LHFPL2: variants seen among roughly 807,000 people sequenced by gnomAD.
LHFPL2 encodes the protein LHFPL tetraspan subfamily member 2.
In LHFPL2, 7 loss-of-function variants were observed where a neutral mutation model predicts 17.5. The ratio of observed to expected loss-of-function variants is 0.40; its 90% CI spans 0.23 to 0.75. The LOEUF (loss-of-function observed/expected upper bound fraction) is 0.75, where lower values mean the gene tolerates loss of function less well. Ranked by LOEUF, LHFPL2 falls within the 30% of genes least tolerant of loss-of-function variation. The pLI is 0.37. For missense variants in LHFPL2, 241 were observed against 294.8 expected (o/e 0.82, Z 1.34); for synonymous variants, 134 against 116.2 (o/e 1.15, Z -0.99).
chr5:78,512,887 TGG>T, intron 3 of LHFPL2, among the ~76,000 whole-genome samples: 1 of 151,876 alleles, frequency 6.6e-6, no homozygotes, highest in South Asian at 2.1e-4. Context: ...CCAGAGCAGC[TGG>T]GATTACAAGC....
intron 3 of LHFPL2, among the ~76,000 whole-genome samples, chr5:78,519,763 G>A (rs1304038677): frequency 1.3e-5 from 2 of 152,224 alleles, no homozygotes. Context: ...CAGCCTCCCC[G>A]TCCCTTGACC....
At chr5:78,604,111 C>A (rs1744126047) in intron 2 of LHFPL2, among the ~76,000 whole-genome samples, 1 of 152,170 alleles carries the variant, frequency 6.6e-6, no homozygotes, top group South Asian at 2.1e-4. Context: ...TATAATAACA[C>A]TAAATATTTT....
intron 2 of LHFPL2, among the ~76,000 whole-genome samples, chr5:78,600,677 A>C (rs1476545402): frequency 6.6e-6 from 1 of 152,182 alleles, no homozygotes; most frequent in African/African-American, 2.4e-5. Flanking sequence ...GCGGTGAGCC[A>C]AGATCATGCC....
At chr5:78,489,213 C>G in intron 4 of LHFPL2, 60 bp from the exon 5 acceptor site, 1 of 1,588,200 alleles carries the variant, frequency 6.3e-7, no homozygotes, top group Non-Finnish European at 8.6e-7. Context: ...CTGTCCAGAT[C>G]TGTTGTAATT....
chr5:78,503,401 A>G (rs1754832191), intron 4 of LHFPL2, among the ~76,000 whole-genome samples: 1 of 152,234 alleles, frequency 6.6e-6, no homozygotes, highest in Non-Finnish European at 1.5e-5. Flanking sequence ...TTCTTTAAAA[A>G]CAGGTCCCCG....
At chr5:78,618,068 G>A (rs1744682383) in intron 2 of LHFPL2, among the ~76,000 whole-genome samples, 1 of 152,138 alleles carries the variant, frequency 6.6e-6, no homozygotes, top group Non-Finnish European at 1.5e-5. Flanking sequence ...GCCAGGCTTG[G>A]TGGCAGGCGC....
intron 4 of LHFPL2, among the ~76,000 whole-genome samples, chr5:78,491,728 G>C (rs896064713): frequency 6.6e-6 from 1 of 152,006 alleles, no homozygotes; most frequent in Non-Finnish European, 1.5e-5. Context: ...ATCACTCATA[G>C]GTGGCTGTGA....
At chr5:78,642,653 C>T (rs1745713524) in intron 1 of LHFPL2, among the ~76,000 whole-genome samples, 1 of 152,088 alleles carries the variant, frequency 6.6e-6, no homozygotes, top group East Asian at 1.9e-4. Context: ...GTAAAAAGAA[C>T]TCCCTCTATC....
At chr5:78,508,876 A>G (rs202180382) in intron 4 of LHFPL2, among the ~76,000 whole-genome samples, 1 of 128,478 alleles carries the variant, frequency 7.8e-6, no homozygotes, top group Non-Finnish European at 1.7e-5. Context: ...AGTCTACTCT[A>G]CTTCTTTGGG....
intron 1 of LHFPL2, among the ~76,000 whole-genome samples, chr5:78,638,656 C>G (rs1745552444): frequency 1.3e-5 from 2 of 152,136 alleles, no homozygotes; most frequent in Non-Finnish European, 2.9e-5. Flanking sequence ...GCTGACGCAC[C>G]CTTGGTTACT....
chr5:78,627,412 C>T (rs773877256), intron 2 of LHFPL2, among the ~76,000 whole-genome samples: 2 of 152,194 alleles, frequency 1.3e-5, no homozygotes, highest in African/African-American at 2.4e-5. Context: ...AGAAAGAAAC[C>T]AAGCTGCTTT....
At position 78,490,746 on chromosome 5, in the gene LHFPL2, C is replaced by CAAAAAAAAAAAAA. The variant is rs370809060; in HGVS notation, c.431-1606_431-1594dup. Reference sequence around the variant, plus strand: ...CTGGCAAAAGAGTGAGACTCCCTCTCAAAAAAAAAAAAAAAAAAGCAAGAT... The same window carrying CAAAAAAAAAAAAA: ...CTGGCAAAAGAGTGAGACTCCCTCTCAAAAAAAAAAAAAAAAAAAAAAAAAAAAAAAGCAAGAT... On this transcript the variant is annotated intron_variant, in intron 4 of 4. Transcript: ENST00000380345. Among the ~76,000 whole-genome samples the CAAAAAAAAAAAAA allele has an allele frequency of 5.9e-4, 54 of 92,110 alleles. 1 individual carries two copies. Among genetic ancestry groups the CAAAAAAAAAAAAA allele is most frequent in the African/African-American group, 1.8e-3 (38 of 20,584 alleles). The allele number at this position is 92,110 out of a possible 152,430, so 60.4% of individuals were successfully genotyped here.
intron 3 of LHFPL2, among the ~76,000 whole-genome samples, chr5:78,562,059 C>T (rs1255946919): frequency 1.3e-5 from 2 of 152,210 alleles, no homozygotes; most frequent in African/African-American, 2.4e-5. Context: ...AAGAGCCTGG[C>T]AGAGCAACCC....
intron 4 of LHFPL2, among the ~76,000 whole-genome samples, chr5:78,498,514 A>G (rs1270140994): frequency 6.6e-6 from 1 of 152,150 alleles, no homozygotes; most frequent in East Asian, 1.9e-4. Context: ...CTAGGTGGAG[A>G]TATTTTCTCT....
intron 3 of LHFPL2, among the ~76,000 whole-genome samples, chr5:78,538,561 T>A (rs1477692384): frequency 3.3e-5 from 5 of 152,176 alleles, no homozygotes; most frequent in Admixed American, 1.3e-4. Flanking sequence ...CCTCACACCA[T>A]CCTGTCTTAC....
At chr5:78,547,878 T>C (rs1483643654) in intron 3 of LHFPL2, among the ~76,000 whole-genome samples, 2 of 147,510 alleles carry the variant, frequency 1.4e-5, no homozygotes, top group East Asian at 2.0e-4. Flanking sequence ...GCCAGGAGGG[T>C]TGGGGCTGGA....
Position 78,510,400 on chromosome 5 carries a change from T to A in LHFPL2, c.-185-2A>T, listed in dbSNP as rs1755077606. The A allele has an allele frequency of 1.7e-6, 1 of 586,250 alleles. No individual in the cohort carries two copies. Among genetic ancestry groups the A allele is most frequent in the Non-Finnish European group, 2.9e-6 (1 of 346,124 alleles). 36.3% of individuals were successfully genotyped at this position (586,250 alleles called of 1,614,324 possible). A position where few individuals can be genotyped will look rare whatever the true frequency, so the allele number is the denominator to read the frequency against. ...CCAGAGCACCGCCTGCGGCCTCACC[T>A]AGGGGAGAGGGAGGGCGGTTAGCAG... On this transcript the variant is annotated splice_acceptor_variant, in intron 3 of 4. Coordinates refer to ENST00000380345, the MANE Select transcript of LHFPL2 (RefSeq NM_005779.3). LOFTEE classifies it low-confidence loss of function (5UTR_SPLICE).
At chr5:78,561,593 C>G (rs1474662789) in intron 3 of LHFPL2, among the ~76,000 whole-genome samples, 1 of 152,182 alleles carries the variant, frequency 6.6e-6, no homozygotes, top group Non-Finnish European at 1.5e-5. Context: ...CGCAGCTCAA[C>G]AAGACACGGT....
At chr5:78,518,011 A>G (rs1394937445) in intron 3 of LHFPL2, among the ~76,000 whole-genome samples, 1 of 152,230 alleles carries the variant, frequency 6.6e-6, no homozygotes, top group Non-Finnish European at 1.5e-5. Flanking sequence ...TCTAAGGTAG[A>G]CATTAAAATC....
Sources: allele counts gnomAD v4.1 joint callset (sites outside exome capture counted in the v4.1 genomes callset), GRCh38; gene constraint gnomAD v4.1.1; transcripts MANE v1.5; gene names NCBI Gene and HGNC (gene_info 2026-07-23, HGNC 2026-07-21).